Variants in VPS9D1 observed in about 807,000 individuals in gnomAD.
VPS9D1 encodes the protein VPS9 domain containing 1.
In VPS9D1, 78 loss-of-function variants were observed where a neutral mutation model predicts 75.8. That is an observed-to-expected ratio of 1.03 (90% confidence interval 0.86 to 1.24). The LOEUF (loss-of-function observed/expected upper bound fraction) is 1.24, where lower values mean the gene tolerates loss of function less well. Ranked by LOEUF, VPS9D1 falls within the 50% of genes most tolerant of loss-of-function variation. The pLI, the probability that VPS9D1 is intolerant of heterozygous loss-of-function variation, is 0.00. For synonymous variants in VPS9D1, 481 were observed against 385.6 expected (o/e 1.25, Z -2.90); for missense variants, 1,057 against 847.7 (o/e 1.25, Z -3.07).
chr16:89,710,995 C>A lies in VPS9D1; in HGVS notation c.849G>T (p.Pro283=). ...VSHLLSLPDH[P]IAQLLRRLQC... is the part of the protein sequence containing the mutation. ...GCAGCCGCCTCAGGAGCTGCGCGAT[C>A]GGGTGGTCGGGGAGGCTGCGGGAGA... is the stretch of plus-strand genomic sequence containing the variant. The change falls in exon 10 of 15, where the codon CCG becomes CCT. Residue 283 remains proline (P), a synonymous_variant. Coordinates refer to ENST00000389386, the MANE Select transcript of VPS9D1 (RefSeq NM_004913.3). 1.4e-6 allele frequency: 2 copies of A among 1,436,950 alleles called. No individual in the cohort carries two copies. The highest frequency in any genetic ancestry group is 1.8e-6 in the Non-Finnish European group (2 of 1,100,434). 89.0% of individuals were successfully genotyped at this position (1,436,950 alleles called of 1,614,324 possible).
At chr16:89,716,867 G>A (rs2061082445) in intron 2 of VPS9D1, 45 bp from the exon 3 acceptor site, 1 of 1,513,154 alleles carries the variant, frequency 6.6e-7, no homozygotes, top group Non-Finnish European at 8.9e-7. Context: ...CTCTACCACT[G>A]TTACTTACTG....
At chr16:89,711,508 A>G in intron 8 of VPS9D1, 96 bp from the exon 9 acceptor site, 1 of 1,252,270 alleles carries the variant, frequency 8.0e-7, no homozygotes, top group Non-Finnish European at 1.1e-6. Context: ...AGACTGTGGG[A>G]GCCCGTCCTG....
intron 4 of VPS9D1, among the ~76,000 whole-genome samples, chr16:89,715,629 C>T (rs1380848895): frequency 6.6e-6 from 1 of 151,972 alleles, no homozygotes; most frequent in African/African-American, 2.4e-5. Context: ...TCAAGTGAGC[C>T]TCCCACCTCA....
At position 89,710,990 on chromosome 16, in the gene VPS9D1, G is replaced by A. The variant is rs1394570833; in HGVS notation, c.854C>T (p.Ala285Val). ...GCACTGCAGCCGCCTCAGGAGCTGC[G>A]CGATCGGGTGGTCGGGGAGGCTGCG... ...HLLSLPDHPIAQLLRRLQCSV... is the reference protein window; with the variant it reads ...HLLSLPDHPIVQLLRRLQCSV... The change falls in exon 10 of 15, where the codon GCG becomes GTG. Residue 285 changes from alanine (A) to valine (V), a missense_variant. Ala to Val is a moderately conservative substitution (Grantham distance 64, BLOSUM62 0). Coordinates refer to ENST00000389386, the MANE Select transcript of VPS9D1 (RefSeq NM_004913.3). The A allele has an allele frequency of 1.4e-6, 2 of 1,440,514 alleles. No homozygotes were observed. The highest frequency in any genetic ancestry group is 2.8e-5 in the Admixed American group (1 of 35,840). The allele number at this position is 1,440,514 out of a possible 1,614,324, so 89.2% of individuals were successfully genotyped here.
At chr16:89,720,614 G>GCCCC in intron 1 of VPS9D1, 149 bp downstream of exon 1, 1 of 1,221,800 alleles carries the variant, frequency 8.2e-7, no homozygotes, top group Non-Finnish European at 1.0e-6. Context: ...CCCCGCCCCC[G>GCCCC]TCCTCGCCCG....
At chr16:89,712,233 TG>T in intron 6 of VPS9D1, 134 bp from the exon 7 acceptor site, 1 of 1,410,422 alleles carries the variant, frequency 7.1e-7, no homozygotes. Context: ...GTAAGGCTTC[TG>T]GGGCAGAAGG....
At chr16:89,711,807 GC>G (rs1434392095) in intron 8 of VPS9D1, 74 bp downstream of exon 8, 3 of 1,488,436 alleles carry the variant, frequency 2.0e-6, no homozygotes, top group Non-Finnish European at 1.8e-6. Flanking sequence ...CCCCACGGGG[GC>G]CCACCCAGGC....
rs1258420903 is a variant in VPS9D1 at position 89,710,948 on chromosome 16, A to AGGGCGCTGTACACG, written c.882_895dup (p.Leu299ProfsTer10). ...GGCTGCTCTGCTCACGGCGGGATAC[A>AGGGCGCTGTACACG]GGGCGCTGTACACGGAGCACTGCAG... On this transcript the variant is annotated frameshift_variant, in exon 10 of 15. Transcript: ENST00000389386. LOFTEE classifies it high-confidence loss of function. 6.8e-7 allele frequency: 1 copy of AGGGCGCTGTACACG among 1,472,908 alleles called. No homozygotes were observed. The highest frequency in any genetic ancestry group is 9.0e-7 in the Non-Finnish European group (1 of 1,117,134). 91.2% of individuals were successfully genotyped at this position (1,472,908 alleles called of 1,614,324 possible).
chr16:89,707,876 T>TC lies in VPS9D1; in HGVS notation c.1880dup (p.Gly628ArgfsTer34), dbSNP rs755486379. 7 of 1,612,914 alleles carry TC rather than the reference T, an allele frequency of 4.3e-6. No individual in the cohort carries two copies. Among genetic ancestry groups the TC allele is most frequent in the Non-Finnish European group, 5.9e-6 (7 of 1,179,940 alleles). On this transcript the variant is annotated frameshift_variant, in exon 15 of 15. Transcript: ENST00000389386. LOFTEE classifies it high-confidence loss of function. ...TCTAGCTGTACTACTTGGCCAGGCC[T>TC]CCCCGGGGCAGCAGCTCCACGTAGC...
intron 6 of VPS9D1, 71 bp from the exon 7 acceptor site, chr16:89,712,170 C>G: frequency 6.5e-7 from 1 of 1,542,066 alleles, no homozygotes. Flanking sequence ...GTCCCACACC[C>G]GGAGAGGCCG....
intron 2 of VPS9D1, chr16:89,718,222 G>C (rs2061136597): frequency 2.6e-6 from 1 of 384,394 alleles, no homozygotes; most frequent in Non-Finnish European, 5.2e-6. Context: ...AGTCTGCTCT[G>C]TTCCACCTTC....
chr16:89,709,683 G>T (rs930149075), intron 11 of VPS9D1, 94 bp downstream of exon 11: 22 of 1,580,162 alleles, frequency 1.4e-5, no homozygotes, highest in Admixed American at 3.4e-5. Flanking sequence ...GGGATGGAGG[G>T]GAGCAGACAG....
At chr16:89,719,003 C>A in intron 2 of VPS9D1, 24 bp downstream of exon 2, 1 of 1,607,168 alleles carries the variant, frequency 6.2e-7, no homozygotes. Context: ...CGTGAGCCAC[C>A]GCGCCCGGCT....
At chr16:89,713,551 G>A (rs1246564896) in intron 4 of VPS9D1, among the ~76,000 whole-genome samples, 2 of 151,984 alleles carry the variant, frequency 1.3e-5, no homozygotes, top group Non-Finnish European at 1.5e-5. Context: ...ACCGCGCCCG[G>A]CCGGACTTTT....
At chr16:89,710,491 G>A in intron 10 of VPS9D1, 95 bp downstream of exon 10, 1 of 1,371,054 alleles carries the variant, frequency 7.3e-7, no homozygotes, top group Non-Finnish European at 9.8e-7. Flanking sequence ...CAGAGTCTCT[G>A]ATCAACAGAC....
intron 4 of VPS9D1, among the ~76,000 whole-genome samples, chr16:89,713,833 C>G (rs941886009): frequency 6.6e-6 from 1 of 151,694 alleles, no homozygotes; most frequent in Non-Finnish European, 1.5e-5. Flanking sequence ...ATGGTGAAAC[C>G]CCGTCTCTAT....
Position 89,707,604 on chromosome 16 carries a change from G to C in VPS9D1, c.*257C>G. 4.3e-6 allele frequency: 2 copies of C among 468,126 alleles called. No homozygotes were observed. Among genetic ancestry groups the C allele is most frequent in the African/African-American group, 2.0e-5 (1 of 50,976 alleles). 29.0% of individuals were successfully genotyped at this position (468,126 alleles called of 1,614,324 possible). A position where few individuals can be genotyped will look rare whatever the true frequency, so the allele number is the denominator to read the frequency against. On this transcript the variant is annotated 3_prime_UTR_variant, in exon 15 of 15. Coordinates refer to ENST00000389386, the MANE Select transcript of VPS9D1 (RefSeq NM_004913.3). ...GCCTCTCTGAGGCCTACACAGGAGA[G>C]CAGGGCCTGGTTCCTCCTGGAGCTG...
chr16:89,709,025 G>GCCCCCCCCCCCC, intron 12 of VPS9D1, 69 bp from the exon 13 acceptor site: 4 of 627,190 alleles, frequency 6.4e-6, no homozygotes, highest in South Asian at 6.0e-5. Flanking sequence ...CTTATACCCC[G>GCCCCCCCCCCCC]CCCACCCACC....
intron 4 of VPS9D1, 152 bp downstream of exon 4, chr16:89,716,310 G>A (rs2061066470): frequency 3.4e-6 from 4 of 1,173,806 alleles, no homozygotes; most frequent in Non-Finnish European, 4.8e-6. Flanking sequence ...AGGTTGCCGT[G>A]AGCCAAGATT....
Sources: allele counts gnomAD v4.1 joint callset (sites outside exome capture counted in the v4.1 genomes callset), GRCh38; gene constraint gnomAD v4.1.1; transcripts MANE v1.5; gene names NCBI Gene and HGNC (gene_info 2026-07-23, HGNC 2026-07-21).